SCN2A: variants seen among roughly 807,000 people sequenced by gnomAD.
SCN2A encodes the protein sodium voltage-gated channel alpha subunit 2, also known as sodium channel protein type 2 subunit alpha.
A neutral mutation model predicts 188.7 loss-of-function variants in SCN2A; 20 were observed. The ratio of observed to expected loss-of-function variants is 0.11; its 90% confidence interval spans 0.07 to 0.15. SCN2A has a LOEUF of 0.15. Ranked by LOEUF, SCN2A falls within the 10% of genes least tolerant of loss-of-function variation. SCN2A has a pLI of 1.00. For synonymous variants in SCN2A, 804 were observed against 833.1 expected, an observed-to-expected ratio of 0.97 and a Z score of 0.60; for missense variants, 1,278 against 2,445.0, an observed-to-expected ratio of 0.52 and a Z score of 10.07.
intron 1 of SCN2A, among the ~76,000 whole-genome samples, chr2:165,261,126 A>T (rs1694579300): frequency 6.6e-6 from 1 of 152,234 alleles, no homozygotes; most frequent in Non-Finnish European, 1.5e-5. Flanking sequence ...GGGAATAGTG[A>T]CAAGAAAAAG....
At chr2:165,374,650 C>T (rs1304129001) in intron 21 of SCN2A, 35 bp from the exon 22 acceptor site, 3 of 1,602,242 alleles carry the variant, frequency 1.9e-6, no homozygotes, top group Admixed American at 1.7e-5. Flanking sequence ...TTGTTGTTGG[C>T]TTTTCACTTA....
At chr2:165,325,606 C>G (rs1285990524) in intron 12 of SCN2A, among the ~76,000 whole-genome samples, 2 of 152,026 alleles carry the variant, frequency 1.3e-5, no homozygotes, top group African/African-American at 4.8e-5. Flanking sequence ...ACAGAAGGGA[C>G]TAGATGATCT....
intron 20 of SCN2A, chr2:165,371,166 GATAAAAGT>G (rs1701006266): frequency 6.6e-6 from 1 of 152,058 alleles, no homozygotes; most frequent in South Asian, 2.1e-4. Flanking sequence ...TCTATGTTAG[GATAAAAGT>G]ATCAAGTCAG....
chr2:165,362,362 G>A (rs1245910321), intron 17 of SCN2A, among the ~76,000 whole-genome samples: 2 of 151,840 alleles, frequency 1.3e-5, no homozygotes, highest in African/African-American at 4.8e-5. Context: ...AGAAAATACA[G>A]GAATGTCTTT....
chr2:165,304,826 CA>C lies in SCN2A; in HGVS notation c.387-3021del, dbSNP rs1273556040. 5.3e-5 allele frequency among the ~76,000 whole-genome samples: 8 copies of C among 152,256 alleles called. No individual in the cohort carries two copies. In the South Asian group the frequency reaches 1.5e-3, roughly 28 times the overall value. On this transcript the variant is annotated intron_variant, in intron 3 of 26. Coordinates refer to ENST00000375437, the MANE Select transcript of SCN2A (RefSeq NM_001040142.2). ...AAGAAAATGAAACTGGAGAAGTAGA[CA>C]GGGATCAGACCTCCTAGCGTCTTGA...
chr2:165,261,632 C>T (rs1287639469), intron 1 of SCN2A, among the ~76,000 whole-genome samples: 1 of 152,166 alleles, frequency 6.6e-6, no homozygotes, highest in East Asian at 1.9e-4. Flanking sequence ...CAATTTGGGA[C>T]GTCCTTCATA....
At chr2:165,249,053 C>A (rs1212308075) in intron 1 of SCN2A, among the ~76,000 whole-genome samples, 3 of 151,984 alleles carry the variant, frequency 2.0e-5, no homozygotes, top group Admixed American at 1.3e-4. Context: ...AGACCTTTTC[C>A]TGATATATAT....
At chr2:165,338,195 G>T (rs1183170260) in intron 14 of SCN2A, among the ~76,000 whole-genome samples, 1 of 151,732 alleles carries the variant, frequency 6.6e-6, no homozygotes, top group Non-Finnish European at 1.5e-5. Flanking sequence ...TTTTTAAAAA[G>T]ACAACTGATT....
chr2:165,288,562 C>T (rs551230736), intron 1 of SCN2A, among the ~76,000 whole-genome samples: 21 of 151,252 alleles, frequency 1.4e-4, no homozygotes, highest in Non-Finnish European at 2.2e-4. Context: ...CAGCTTTTCT[C>T]ACCAGTAAAC....
intron 19 of SCN2A, among the ~76,000 whole-genome samples, chr2:165,367,826 G>A (rs944971512): frequency 2.6e-5 from 4 of 152,186 alleles, no homozygotes; most frequent in Non-Finnish European, 5.9e-5. Context: ...ACTGGGTGCA[G>A]GAGCCAAGGC....
At chr2:165,270,856 A>G (rs554800541) in intron 1 of SCN2A, 25 of 152,168 alleles carry the variant, frequency 1.6e-4, no homozygotes, top group African/African-American at 3.1e-4. Flanking sequence ...AAAAAGCAAT[A>G]TAGAATAAAT....
At chr2:165,380,814 C>A in intron 24 of SCN2A, 85 bp downstream of exon 24, 1 of 1,075,120 alleles carries the variant, frequency 9.3e-7, no homozygotes, top group Admixed American at 2.4e-5. Context: ...AATGCAATCA[C>A]CAAAAAAAGA....
Position 165,389,593 on chromosome 2 carries a change from A to G in SCN2A, c.5787A>G (p.Ser1929=), listed in dbSNP as rs1553463866. Residue 1929 remains serine, a synonymous_variant, in exon 27 of 27, where the codon TCA becomes TCG. Coordinates refer to ENST00000375437, the MANE Select transcript of SCN2A (RefSeq NM_001040142.2). The surrounding 1 kb of genome is among the most constrained non-coding windows in gnomAD (Gnocchi z 4.2). ...YLLKQKVKKV[S]SIYKKDKGKE... Reference sequence around the variant, plus strand: ...TGAAGCAAAAAGTTAAAAAGGTATCAAGTATATACAAGAAAGACAAAGGCA... The same window carrying G: ...TGAAGCAAAAAGTTAAAAAGGTATCGAGTATATACAAGAAAGACAAAGGCA... 1.4e-5 allele frequency: 23 copies of G among 1,613,870 alleles called. No individual in the cohort carries two copies. The highest frequency in any genetic ancestry group is 1.9e-5 in the Non-Finnish European group (22 of 1,179,960).
chr2:165,297,184 G>A (rs1196048889), intron 3 of SCN2A, 49 bp downstream of exon 3: 5 of 1,105,432 alleles, frequency 4.5e-6, no homozygotes, highest in Non-Finnish European at 6.9e-6. Context: ...CTTTGACCAA[G>A]TTATTGAGCT....
intron 11 of SCN2A, among the ~76,000 whole-genome samples, chr2:165,321,199 G>A (rs1447439952): frequency 2.6e-5 from 4 of 152,132 alleles, no homozygotes; most frequent in African/African-American, 9.7e-5. Context: ...TATAACAAGA[G>A]TCACCTTTGC....
chr2:165,254,603 T>C (rs1694239235), intron 1 of SCN2A, among the ~76,000 whole-genome samples: 1 of 151,778 alleles, frequency 6.6e-6, no homozygotes, highest in Admixed American at 6.6e-5. Context: ...GTTTTGCATA[T>C]TTCTTTTAAC....
At chr2:165,298,723 T>C (rs528441776) in intron 3 of SCN2A, among the ~76,000 whole-genome samples, 1 of 152,310 alleles carries the variant, frequency 6.6e-6, no homozygotes, top group Non-Finnish European at 1.5e-5. Context: ...GTTTCAAGCA[T>C]TTGTAATCTG....
At chr2:165,380,233 G>A (rs1295650855) in intron 23 of SCN2A, among the ~76,000 whole-genome samples, 1 of 151,738 alleles carries the variant, frequency 6.6e-6, no homozygotes, top group Admixed American at 6.6e-5. Context: ...TAAAAGTTTT[G>A]ACATAGAATA....
intron 15 of SCN2A, 67 bp downstream of exon 15, chr2:165,342,536 A>C: frequency 6.6e-7 from 1 of 1,521,958 alleles, no homozygotes; most frequent in East Asian, 2.3e-5. Flanking sequence ...TCATCTAGTA[A>C]AAATGGCAAG....
Sources: gnomAD v4.1 joint callset for allele counts (sites outside exome capture counted in the v4.1 genomes callset) on GRCh38, gnomAD v4.1.1 for gene constraint, Gnocchi (gnomAD v3.1) non-coding constraint, MANE v1.5 for transcripts, NCBI Gene and HGNC (gene_info 2026-07-23, HGNC 2026-07-21) for gene names.